The following NKAIN2 variants were observed in gnomAD, a reference collection of about 807,000 sequenced individuals.
NKAIN2 encodes the protein sodium/potassium transporting ATPase interacting 2, also known as sodium/potassium-transporting ATPase subunit beta-1-interacting protein 2.
A neutral mutation model predicts 32.6 loss-of-function variants in NKAIN2; 14 were observed. That is an observed-to-expected ratio of 0.43 (90% CI 0.28 to 0.67). NKAIN2 has a LOEUF of 0.67. NKAIN2 is among the 30% of genes least tolerant of loss of function. The pLI is 0.17. For missense variants in NKAIN2, 198 were observed against 258.3 expected (o/e 0.77, Z 1.60); for synonymous variants, 80 against 87.2 (o/e 0.92, Z 0.46).
At chr6:124,593,151 G>A (rs533160036) in intron 3 of NKAIN2, among the ~76,000 whole-genome samples, 3 of 151,880 alleles carry the variant, frequency 2.0e-5, no homozygotes, top group South Asian at 4.2e-4. Context: ...TTGAAATTTA[G>A]ATTTACTCTA....
intron 3 of NKAIN2, among the ~76,000 whole-genome samples, chr6:124,529,604 G>A (rs1452722776): frequency 6.6e-6 from 1 of 152,146 alleles, no homozygotes; most frequent in East Asian, 1.9e-4. Context: ...CGGATCACAT[G>A]CACACTACTG....
chr6:124,702,696 A>G (rs898596763), intron 4 of NKAIN2, among the ~76,000 whole-genome samples: 3 of 152,050 alleles, frequency 2.0e-5, no homozygotes, highest in African/African-American at 7.2e-5. Flanking sequence ...AATGCTTATT[A>G]GCCTTCTGAG....
At chr6:124,172,511 C>T (rs1419752378) in intron 1 of NKAIN2, among the ~76,000 whole-genome samples, 3 of 152,078 alleles carry the variant, frequency 2.0e-5, no homozygotes, top group African/African-American at 7.2e-5. Flanking sequence ...AAATTTCCCT[C>T]TGTTTAATAC....
intron 3 of NKAIN2, among the ~76,000 whole-genome samples, chr6:124,542,266 C>T (rs1275416507): frequency 6.6e-6 from 1 of 152,084 alleles, no homozygotes; most frequent in Admixed American, 6.6e-5. Context: ...ACAAAATACT[C>T]TAGAAATGCT....
At chr6:123,918,920 A>G (rs944285150) in intron 1 of NKAIN2, among the ~76,000 whole-genome samples, 3 of 152,082 alleles carry the variant, frequency 2.0e-5, no homozygotes, top group Admixed American at 2.0e-4. Flanking sequence ...CATTCTATCT[A>G]AAAGTTTATT....
intron 1 of NKAIN2, among the ~76,000 whole-genome samples, chr6:124,278,014 T>C: frequency 6.6e-6 from 1 of 152,260 alleles, no homozygotes. Flanking sequence ...AATATTATAG[T>C]AATATTTGGA....
chr6:123,835,088 GA>G (rs1181107520), intron 1 of NKAIN2, among the ~76,000 whole-genome samples: 2 of 152,274 alleles, frequency 1.3e-5, no homozygotes, highest in Non-Finnish European at 2.9e-5. Flanking sequence ...GAAGGAATGA[GA>G]AGTATTCTCT....
intron 4 of NKAIN2, among the ~76,000 whole-genome samples, chr6:124,750,641 G>A (rs1468833486): frequency 2.0e-5 from 3 of 151,812 alleles, no homozygotes; most frequent in Admixed American, 6.6e-5. Context: ...TATCATTCTG[G>A]CTGTGTTGTT....
chr6:124,751,497 G>T (rs1467878240), intron 4 of NKAIN2, among the ~76,000 whole-genome samples: 1 of 151,924 alleles, frequency 6.6e-6, no homozygotes, highest in Non-Finnish European at 1.5e-5. Context: ...GATCAGAAAG[G>T]ATGGGTTCCT....
At chr6:124,727,333 A>G (rs1032814539) in intron 4 of NKAIN2, among the ~76,000 whole-genome samples, 3 of 152,214 alleles carry the variant, frequency 2.0e-5, no homozygotes, top group African/African-American at 7.2e-5. Flanking sequence ...CTCAAAGGGA[A>G]GCCCATCAGA....
At chr6:124,165,413 TC>T (rs1440836967) in intron 1 of NKAIN2, among the ~76,000 whole-genome samples, 2 of 152,072 alleles carry the variant, frequency 1.3e-5, no homozygotes, top group Non-Finnish European at 2.9e-5. Context: ...TTATTCAATT[TC>T]CTTTTTTGCT....
At chr6:124,446,439 C>T (rs994379874) in intron 3 of NKAIN2, among the ~76,000 whole-genome samples, 1 of 152,014 alleles carries the variant, frequency 6.6e-6, no homozygotes, top group African/African-American at 2.4e-5. Flanking sequence ...AATTCCTGGG[C>T]TCAAGTGATC....
intron 4 of NKAIN2, among the ~76,000 whole-genome samples, chr6:124,715,373 C>T (rs918739621): frequency 3.0e-4 from 45 of 152,300 alleles, no homozygotes; most frequent in Admixed American, 1.4e-3. Flanking sequence ...TCATTGTTCA[C>T]GCGTCTTCTG....
At chr6:124,037,647 T>C (rs1306153387) in intron 1 of NKAIN2, among the ~76,000 whole-genome samples, 3 of 152,262 alleles carry the variant, frequency 2.0e-5, no homozygotes, top group Non-Finnish European at 2.9e-5. Flanking sequence ...ACATAATCTT[T>C]CTTGGAGGCT....
intron 5 of NKAIN2, among the ~76,000 whole-genome samples, chr6:124,811,101 T>C (rs542573159): frequency 6.6e-6 from 1 of 152,282 alleles, no homozygotes; most frequent in African/African-American, 2.4e-5. Flanking sequence ...TGGAGCTAAG[T>C]ACCCTTGGAA....
chr6:124,171,547 ATTTTTTTTTT>A (rs10665262), intron 1 of NKAIN2, among the ~76,000 whole-genome samples: 1 of 96,470 alleles, frequency 1.0e-5, no homozygotes, highest in East Asian at 3.4e-4. Flanking sequence ...GGCCGATTTG[ATTTTTTTTTT>A]TTTTTTTTTT....
chr6:124,463,430 G>C (rs978686861), intron 3 of NKAIN2, among the ~76,000 whole-genome samples: 1 of 152,036 alleles, frequency 6.6e-6, no homozygotes, highest in Admixed American at 6.6e-5. Flanking sequence ...GCCAATAAAA[G>C]TCTTCTACCA....
intron 1 of NKAIN2, among the ~76,000 whole-genome samples, chr6:124,004,705 C>A (rs942103345): frequency 1.3e-5 from 2 of 151,484 alleles, no homozygotes; most frequent in African/African-American, 4.8e-5. Flanking sequence ...ACACCGGGGC[C>A]TGTCAGGTGG....
intron 2 of NKAIN2, among the ~76,000 whole-genome samples, chr6:124,296,587 T>G (rs1796064824): frequency 6.6e-6 from 1 of 152,146 alleles, no homozygotes; most frequent in South Asian, 2.1e-4. Context: ...AAAACCAGAT[T>G]ATAGATGTTG....
Sources: gnomAD v4.1 joint callset for allele counts (sites outside exome capture counted in the v4.1 genomes callset) on GRCh38, gnomAD v4.1.1 for gene constraint, MANE v1.5 for transcripts, NCBI Gene and HGNC (gene_info 2026-07-23, HGNC 2026-07-21) for gene names.